Variants in ARHGAP15 observed in about 807,000 individuals in gnomAD.
The protein encoded by ARHGAP15 is Rho GTPase activating protein 15.
A neutral mutation model predicts 63.7 loss-of-function variants in ARHGAP15; 51 were observed. The ratio of observed to expected loss-of-function variants is 0.80; its 90% CI spans 0.64 to 1.01. The LOEUF (loss-of-function observed/expected upper bound fraction) is 1.01, where lower values mean the gene tolerates loss of function less well. Among genes scored for constraint, ARHGAP15 ranks in the 50% least tolerant of loss-of-function variants. The probability of loss-of-function intolerance (pLI) is 0.00; values close to 1 mark genes in which losing one functional copy is unlikely to be tolerated. For synonymous variants in ARHGAP15, 191 were observed against 193.8 expected, an observed-to-expected ratio of 0.99 and a Z score of 0.12; for missense variants, 560 against 564.6, an observed-to-expected ratio of 0.99 and a Z score of 0.08.
chr2:143,745,718 T>C (rs1686138849), intron 13 of ARHGAP15, among the ~76,000 whole-genome samples: 1 of 152,260 alleles, frequency 6.6e-6, no homozygotes, highest in African/African-American at 2.4e-5. Context: ...TCTGAGCTTG[T>C]CAACTTTCCT....
At chr2:143,455,632 A>G (rs886749158) in intron 8 of ARHGAP15, among the ~76,000 whole-genome samples, 1 of 152,174 alleles carries the variant, frequency 6.6e-6, no homozygotes, top group Non-Finnish European at 1.5e-5. Flanking sequence ...GATTATACAC[A>G]TGATGAAATA....
chr2:143,572,740 A>G (rs1696515586), intron 11 of ARHGAP15, among the ~76,000 whole-genome samples: 1 of 152,140 alleles, frequency 6.6e-6, no homozygotes, highest in African/African-American at 2.4e-5. Context: ...CTTCTGAATT[A>G]ATATAGCCAT....
chr2:143,227,315 T>C (rs892607721), intron 4 of ARHGAP15, among the ~76,000 whole-genome samples: 2 of 151,886 alleles, frequency 1.3e-5, no homozygotes, highest in African/African-American at 4.9e-5. Context: ...TATCAAGACT[T>C]TTTTTCCAGG....
At chr2:143,503,385 C>T (rs1234886181) in intron 9 of ARHGAP15, among the ~76,000 whole-genome samples, 2 of 152,198 alleles carry the variant, frequency 1.3e-5, no homozygotes, top group African/African-American at 2.4e-5. Flanking sequence ...TTCAGGAAAA[C>T]AGAGTATTGC....
chr2:143,569,936 C>A (rs551067275), intron 11 of ARHGAP15, among the ~76,000 whole-genome samples: 8 of 152,134 alleles, frequency 5.3e-5, no homozygotes, highest in African/African-American at 1.9e-4. Context: ...AGAAGAGTGG[C>A]CCAGGAGTTA....
chr2:143,292,309 A>G (rs1682440674), intron 6 of ARHGAP15, among the ~76,000 whole-genome samples: 1 of 152,086 alleles, frequency 6.6e-6, no homozygotes, highest in South Asian at 2.1e-4. Context: ...TTAGTTAATT[A>G]TTTACAAATG....
At chr2:143,464,312 G>A (rs1353899948) in intron 8 of ARHGAP15, among the ~76,000 whole-genome samples, 1 of 152,014 alleles carries the variant, frequency 6.6e-6, no homozygotes, top group African/African-American at 2.4e-5. Context: ...TATTTTAATA[G>A]TGACCTAGTA....
intron 8 of ARHGAP15, among the ~76,000 whole-genome samples, chr2:143,453,024 T>C (rs931521702): frequency 6.6e-6 from 1 of 151,964 alleles, no homozygotes; most frequent in Admixed American, 6.6e-5. Context: ...GGTATAGATA[T>C]GGTAAATACT....
intron 6 of ARHGAP15, among the ~76,000 whole-genome samples, chr2:143,373,500 G>T (rs1227126966): frequency 6.6e-6 from 1 of 151,620 alleles, no homozygotes; most frequent in African/African-American, 2.4e-5. Flanking sequence ...AGTGGTGGAG[G>T]GTGCCTGTAG....
chr2:143,725,250 A>T (rs190876330), intron 13 of ARHGAP15, among the ~76,000 whole-genome samples: 1 of 152,354 alleles, frequency 6.6e-6, no homozygotes, highest in East Asian at 1.9e-4. Context: ...AGGACACAGC[A>T]GTCAATCTTG....
intron 9 of ARHGAP15, among the ~76,000 whole-genome samples, chr2:143,489,301 C>T (rs1692471632): frequency 6.6e-6 from 1 of 152,192 alleles, no homozygotes. Flanking sequence ...TAAACACACT[C>T]TGATTCATGC....
Position 143,175,832 on chromosome 2 carries a change from G to C in ARHGAP15, c.165+20177G>C, listed in dbSNP as rs537021542. 5.9e-5 allele frequency among the ~76,000 whole-genome samples: 9 copies of C among 152,116 alleles called. No homozygotes were observed. In the East Asian group the frequency reaches 1.7e-3, roughly 29 times the overall value. ...GAAAACCCAACCTAGTAGCAGATGT[G>C]GTTTCAATGGAAAAAGAAAGAGTCA... On this transcript the variant is annotated intron_variant, in intron 2 of 13. Transcript: ENST00000295095.
intron 10 of ARHGAP15, among the ~76,000 whole-genome samples, chr2:143,528,445 A>G (rs569834852): frequency 2.6e-5 from 4 of 152,030 alleles, no homozygotes; most frequent in Non-Finnish European, 5.9e-5. Context: ...TTTTGAGTTG[A>G]TAGAGACTGT....
intron 5 of ARHGAP15, among the ~76,000 whole-genome samples, chr2:143,240,991 T>C (rs1029965990): frequency 6.6e-6 from 1 of 152,130 alleles, no homozygotes; most frequent in Admixed American, 6.5e-5. Context: ...TCAATAAACC[T>C]CACCTTAGGC....
intron 6 of ARHGAP15, among the ~76,000 whole-genome samples, chr2:143,324,331 A>G (rs1206334497): frequency 6.6e-6 from 1 of 152,178 alleles, no homozygotes; most frequent in Non-Finnish European, 1.5e-5. Flanking sequence ...TGTGGACTGG[A>G]AAAATAGTCA....
At chr2:143,313,464 A>G (rs1683540193) in intron 6 of ARHGAP15, among the ~76,000 whole-genome samples, 1 of 152,076 alleles carries the variant, frequency 6.6e-6, no homozygotes, top group African/African-American at 2.4e-5. Context: ...TGACATGGTC[A>G]TTTCCCCTGT....
At chr2:143,572,642 C>T (rs188495740) in intron 11 of ARHGAP15, among the ~76,000 whole-genome samples, 2 of 152,268 alleles carry the variant, frequency 1.3e-5, no homozygotes, top group East Asian at 3.9e-4. Flanking sequence ...TCAAATCACA[C>T]CACTTAGACA....
At chr2:143,696,993 A>T (rs1683877600) in intron 12 of ARHGAP15, among the ~76,000 whole-genome samples, 1 of 152,210 alleles carries the variant, frequency 6.6e-6, no homozygotes, top group Non-Finnish European at 1.5e-5. Flanking sequence ...TTAAATATAA[A>T]TATGGCTTTT....
At chr2:143,647,359 T>TAA (rs79292470) in intron 12 of ARHGAP15, among the ~76,000 whole-genome samples, 52 of 136,550 alleles carry the variant, frequency 3.8e-4, no homozygotes, top group Non-Finnish European at 7.4e-4. Flanking sequence ...ACCAAGTAGT[T>TAA]AAAAAAAAAA....
Sources: allele counts gnomAD v4.1 joint callset (sites outside exome capture counted in the v4.1 genomes callset), GRCh38; gene constraint gnomAD v4.1.1; transcripts MANE v1.5; gene names NCBI Gene and HGNC (gene_info 2026-07-23, HGNC 2026-07-21).